UGT1A9: variants seen among roughly 807,000 people sequenced by gnomAD.
The protein encoded by UGT1A9 is UDP glucuronosyltransferase family 1 member A9.
A neutral mutation model predicts 45.0 loss-of-function variants in UGT1A9; 35 were observed. The observed-to-expected ratio is 0.78, with a 90% confidence interval of 0.59 to 1.03. The LOEUF is 1.03. UGT1A9 is among the 50% of genes least tolerant of loss of function. The pLI is 0.00. For synonymous variants in UGT1A9, 278 were observed against 250.6 expected, an observed-to-expected ratio of 1.11 and a Z score of -1.03; for missense variants, 687 against 666.6, an observed-to-expected ratio of 1.03 and a Z score of -0.34.
intron 1 of UGT1A9, among the ~76,000 whole-genome samples, chr2:233,733,397 G>C (rs1438211185): frequency 1.3e-5 from 2 of 152,194 alleles, no homozygotes; most frequent in Non-Finnish European, 2.9e-5. Flanking sequence ...AGTTTTCAAA[G>C]GGAATGCTTC....
intron 1 of UGT1A9, among the ~76,000 whole-genome samples, chr2:233,715,912 C>G (rs2076476989): frequency 6.6e-6 from 1 of 152,186 alleles, no homozygotes; most frequent in African/African-American, 2.4e-5. Flanking sequence ...GTGGGAGGAT[C>G]ATTGAGCTCA....
intron 1 of UGT1A9, chr2:233,713,516 CAT>C (rs762930324): frequency 6.2e-7 from 1 of 1,613,934 alleles, no homozygotes; most frequent in South Asian, 1.1e-5. Context: ...TCTTGAGGAA[CAT>C]TCCATGTGAT....
chr2:233,750,237 A>G (rs766063070), intron 1 of UGT1A9, among the ~76,000 whole-genome samples: 1 of 151,900 alleles, frequency 6.6e-6, no homozygotes, highest in Non-Finnish European at 1.5e-5. Flanking sequence ...ACTTATTGGG[A>G]ACTGGAACAA....
rs369738416 is a variant in UGT1A9 at position 233,718,805 on chromosome 2, G to A, written c.855+46016G>A. On this transcript the variant is annotated intron_variant, in intron 1 of 4. Transcript: ENST00000354728. The stretch of plus-strand genomic sequence containing the variant: ...AGCGTGGGGTGGACAGTCAGCTGTC[G>A]GTGGCTTCTGCTGAGATGGCCAGAG... 6.6e-5 allele frequency: 107 copies of A among 1,613,182 alleles called. No homozygotes were observed. The African/African-American group carries it at 1.2e-3, about 18-fold the overall frequency.
In UGT1A9 at chr2:233,768,366, G is replaced by T. The variant is rs36076514; in HGVS notation, c.1222G>T (p.Val408Leu). The T allele has an allele frequency of 5.0e-5, 80 of 1,614,062 alleles. No homozygotes were observed. The Admixed American group carries it at 1.3e-3, about 26-fold the overall frequency. The part of the protein sequence containing the change: ...AKRMETKGAG[V>L]TLNVLEMTSE... ...GCGCATGGAGACTAAGGGAGCTGGA[G>T]TGACCCTGAATGTTCTGGAAATGAC... The change falls in exon 4 of 5, where the codon GTG becomes TTG. Residue 408 changes from valine (V) to leucine (L), a missense_variant. Val to Leu is a conservative substitution (Grantham distance 32). Transcript: ENST00000354728.
At chr2:233,754,387 G>C in intron 1 of UGT1A9, 1 of 304,284 alleles carries the variant, frequency 3.3e-6, no homozygotes, top group South Asian at 3.1e-5. Context: ...ACAAACAGAG[G>C]TCCTATCCGT....
intron 1 of UGT1A9, among the ~76,000 whole-genome samples, chr2:233,679,033 T>G (rs1223695285): frequency 1.3e-5 from 2 of 152,234 alleles, no homozygotes; most frequent in Admixed American, 1.3e-4. Context: ...TTCTGGACTT[T>G]CATGACATTC....
At chr2:233,713,396 G>A in intron 1 of UGT1A9, 1 of 1,614,032 alleles carries the variant, frequency 6.2e-7, no homozygotes, top group Non-Finnish European at 8.5e-7. Context: ...TGCATAATGA[G>A]GCCCTGATCA....
At chr2:233,761,797 A>G (rs570450259) in intron 1 of UGT1A9, among the ~76,000 whole-genome samples, 2 of 152,324 alleles carry the variant, frequency 1.3e-5, no homozygotes, top group South Asian at 2.1e-4. Context: ...TCAGCAGAGG[A>G]TAGAAAAGAA....
At position 233,764,416 on chromosome 2, in the gene UGT1A9, C is replaced by A. The variant is rs559795881; in HGVS notation, c.856-2618C>A. ...GACAACTTCTCTGCAGTTTGCCCTGCGTGAATCTCCAGATGAACTTTTGTG... is the reference window on the plus strand; with the variant it reads ...GACAACTTCTCTGCAGTTTGCCCTGAGTGAATCTCCAGATGAACTTTTGTG... On this transcript the variant is annotated intron_variant, in intron 1 of 4. Transcript: ENST00000354728. Among the ~76,000 whole-genome samples, 6 of 152,272 alleles carry A rather than the reference C, an allele frequency of 3.9e-5. No individual in the cohort carries two copies. In the South Asian group the frequency reaches 8.3e-4, roughly 21 times the overall value.
chr2:233,680,354 A>T (rs966045404), intron 1 of UGT1A9, among the ~76,000 whole-genome samples: 5 of 152,212 alleles, frequency 3.3e-5, no homozygotes, highest in Admixed American at 3.3e-4. Flanking sequence ...GTCATATCAC[A>T]TGCATTTAGG....
chr2:233,692,988 C>T, intron 1 of UGT1A9: 1 of 1,613,764 alleles, frequency 6.2e-7, no homozygotes. Context: ...ACCGTTGTTA[C>T]TTTAACTCTT....
intron 1 of UGT1A9, among the ~76,000 whole-genome samples, chr2:233,683,504 C>T (rs2074637285): frequency 6.6e-6 from 1 of 152,064 alleles, no homozygotes; most frequent in Non-Finnish European, 1.5e-5. Flanking sequence ...AGTAGGGTAT[C>T]ATCCTATGAG....
chr2:233,760,469 C>A (rs1273237448), intron 1 of UGT1A9: 1 of 1,614,210 alleles, frequency 6.2e-7, no homozygotes, highest in South Asian at 1.1e-5. Context: ...GTTGTCCTAG[C>A]ACCTGACGCC....
chr2:233,707,242 T>C (rs1364036901), intron 1 of UGT1A9, among the ~76,000 whole-genome samples: 1 of 152,184 alleles, frequency 6.6e-6, no homozygotes, highest in African/African-American at 2.4e-5. Flanking sequence ...ATTATTTCTC[T>C]TGTGTTTTTC....
intron 1 of UGT1A9, chr2:233,729,851 A>C: frequency 6.2e-7 from 1 of 1,613,640 alleles, no homozygotes; most frequent in African/African-American, 1.3e-5. Context: ...TTTCAGAGAG[A>C]GGTGTCAGTG....
At chr2:233,719,723 G>T (rs2076800151) in intron 1 of UGT1A9, 9 of 1,613,628 alleles carry the variant, frequency 5.6e-6, no homozygotes, top group Non-Finnish European at 6.8e-6. Flanking sequence ...CAATGTTCCA[G>T]GCAAAACACT....
chr2:233,713,956 A>G, intron 1 of UGT1A9: 1 of 1,608,152 alleles, frequency 6.2e-7, no homozygotes. Context: ...TTATCTTTCC[A>G]AAGATTTCAT....
At chr2:233,732,716 G>A (rs2078304565) in intron 1 of UGT1A9, among the ~76,000 whole-genome samples, 1 of 148,658 alleles carries the variant, frequency 6.7e-6, no homozygotes, top group Non-Finnish European at 1.5e-5. Flanking sequence ...TAGCCTTGTA[G>A]TACAGTTTGA....
Sources: allele counts gnomAD v4.1 joint callset (sites outside exome capture counted in the v4.1 genomes callset), GRCh38; gene constraint gnomAD v4.1.1; transcripts MANE v1.5; gene names NCBI Gene and HGNC (gene_info 2026-07-23, HGNC 2026-07-21).